The following FRMD7 variants were observed in gnomAD, a reference collection of about 807,000 sequenced individuals.
FRMD7 encodes the protein FERM domain containing 7, also known as FERM domain-containing protein 7.
FRMD7 carries 14 observed loss-of-function variants against 44.1 expected under a neutral mutation model. The observed-to-expected ratio is 0.32, with a 90% CI of 0.21 to 0.50. The LOEUF is 0.50. FRMD7 is among the 20% of genes least tolerant of loss of function. The probability of loss-of-function intolerance (pLI) is 0.99; values close to 1 mark genes in which losing one functional copy is unlikely to be tolerated. For synonymous variants in FRMD7, 212 were observed against 187.4 expected, an observed-to-expected ratio of 1.13 and a Z score of -1.07; for missense variants, 501 against 522.3, an observed-to-expected ratio of 0.96 and a Z score of 0.40.
In FRMD7 at chrX:132,100,711, C is replaced by A; in HGVS notation, c.63G>T (p.Lys21Asn). ...DSQKIFVVDQ[K>N]SSGKALFNLS... ...GGTTAAACAATGCCTTCCCGGATGA[C>A]TTTTGCTAAACAAAACAAAAAGATG... The change falls in exon 2 of 12, where the codon AAG becomes AAT. Residue 21 changes from lysine to asparagine, a missense_variant. Transcript: ENST00000298542. The A allele has an allele frequency of 3.4e-6, 4 of 1,187,873 alleles. No individual in the cohort carries two copies. The highest frequency in any genetic ancestry group is 4.6e-6 in the Non-Finnish European group (4 of 874,117).
intron 3 of FRMD7, among the ~76,000 whole-genome samples, chrX:132,097,558 G>T (rs377233934): frequency 3.6e-5 from 4 of 110,923 alleles, no homozygotes; most frequent in Admixed American, 1.9e-4. Context: ...ATAGCGATTG[G>T]GAAAGTTCTC....
Position 132,077,930 on chromosome X carries a change from T to C in FRMD7, c.2087A>G (p.Asn696Ser). The stretch of plus-strand genomic sequence containing the variant: ...AGTCCTGTCTTCAGCAGTTGGTGTG[T>C]TGAAATAAGCATCTTCATCTTCTTC... ...LDEEDEDAYF[N>S]TPTAEDRTSL... Residue 696 changes from asparagine to serine, a missense_variant, in exon 12 of 12, where the codon AAC becomes AGC. Asn to Ser is a conservative substitution (Grantham distance 46). Coordinates refer to ENST00000298542, the MANE Select transcript of FRMD7 (RefSeq NM_194277.3). The C allele has an allele frequency of 2.5e-6, 3 of 1,211,428 alleles. No individual in the cohort carries two copies. The highest frequency in any genetic ancestry group is 2.3e-4 in the Middle Eastern group (1 of 4,348).
chrX:132,122,654 G>T (rs928811936), intron 1 of FRMD7, among the ~76,000 whole-genome samples: 2 of 111,998 alleles, frequency 1.8e-5, no homozygotes, highest in African/African-American at 3.2e-5. Context: ...AACCCTAGTA[G>T]GCTGCAATAT....
rs150871328 is a variant in FRMD7 at position 132,120,094 on chromosome X, G to A, written c.57+7694C>T. Among the ~76,000 whole-genome samples the A allele has an allele frequency of 5.1e-3, 564 of 111,640 alleles. 5 individuals carry two copies. The highest frequency in any genetic ancestry group is 0.018 in the African/African-American group (542 of 30,743). On this transcript the variant is annotated intron_variant, in intron 1 of 11. Coordinates refer to ENST00000298542, the MANE Select transcript of FRMD7 (RefSeq NM_194277.3). ...TTTCCCCCTCAGGCCATGCCCTTTT[G>A]ACCCCAAGACAATTTGGACTCAGCT...
In FRMD7 at chrX:132,085,992, A is replaced by C. The variant is rs137852211; in HGVS notation, c.425T>G (p.Leu142Arg). ...GTTTGGTAAGTACCGAGTTTGTGCC[A>C]GATGCTTCCTATCTGTTTCTTCATG... ...DFHEETDRKH[L>R]AQTRYLPNQD... is the part of the protein sequence containing the mutation. The change falls in exon 6 of 12, where the codon CTG becomes CGG. Residue 142 changes from leucine to arginine, a missense_variant. Transcript: ENST00000298542. The C allele has an allele frequency of 8.3e-7, 1 of 1,204,147 alleles. No homozygotes were observed. The highest frequency in any genetic ancestry group is 1.1e-6 in the Non-Finnish European group (1 of 888,366).
At chrX:132,101,263 C>T (rs1397602161) in intron 1 of FRMD7, among the ~76,000 whole-genome samples, 3 of 111,176 alleles carry the variant, frequency 2.7e-5, no homozygotes, top group African/African-American at 9.8e-5. Flanking sequence ...GCTCTTAGTT[C>T]CCCATACCTG....
At chrX:132,083,836 G>A (rs972246451) in intron 8 of FRMD7, among the ~76,000 whole-genome samples, 1 of 111,392 alleles carries the variant, frequency 9.0e-6, no homozygotes, top group African/African-American at 3.3e-5. Context: ...GGTGGCACAT[G>A]CCTGTAGTCC....
chrX:132,122,424 A>T (rs1929057642), intron 1 of FRMD7, among the ~76,000 whole-genome samples: 1 of 111,965 alleles, frequency 8.9e-6, no homozygotes, highest in Non-Finnish European at 1.9e-5. Flanking sequence ...ACCAATCATT[A>T]TCCCTTCTAA....
At chrX:132,092,627 C>T (rs1316903040) in intron 5 of FRMD7, among the ~76,000 whole-genome samples, 2 of 111,897 alleles carry the variant, frequency 1.8e-5, no homozygotes, top group South Asian at 3.7e-4. Flanking sequence ...ATGCCTGAAA[C>T]GGCCACTAGG....
At position 132,085,773 on chromosome X, in the gene FRMD7, T is replaced by A. The variant is rs770847559; in HGVS notation, c.498-45A>T. On this transcript the variant is annotated intron_variant, in intron 6 of 11. Coordinates refer to ENST00000298542, the MANE Select transcript of FRMD7 (RefSeq NM_194277.3). Reference sequence around the variant, plus strand: ...ATGAGCCTAATAAATGCCTCAAGAATGACATTTCCACCCTGAGAGCTCCAT... The same window carrying A: ...ATGAGCCTAATAAATGCCTCAAGAAAGACATTTCCACCCTGAGAGCTCCAT... 1.6e-5 allele frequency: 18 copies of A among 1,158,626 alleles called. No homozygotes were observed. In the African/African-American group the frequency reaches 2.3e-4, roughly 15 times the overall value.
At chrX:132,088,284 T>G (rs2124229189) in intron 5 of FRMD7, among the ~76,000 whole-genome samples, 1 of 112,469 alleles carries the variant, frequency 8.9e-6, no homozygotes, top group South Asian at 3.6e-4. Flanking sequence ...GCGTGGTGGC[T>G]CACGCCTGTA....
chrX:132,078,468 T>C lies in FRMD7; in HGVS notation c.1549A>G (p.Thr517Ala), dbSNP rs1248331100. The change falls in exon 12 of 12, where the codon ACA (threonine) becomes GCA (alanine). Residue 517 changes from threonine (T) to alanine (A), a missense_variant. Around this residue, in one of 3 missense-constraint regions of FRMD7, gnomAD observed 453 missense variants for 452.7 expected, o/e 1.00. Coordinates refer to ENST00000298542, the MANE Select transcript of FRMD7 (RefSeq NM_194277.3). Reference sequence around the variant, plus strand: ...GGCTCTACATAGCTATGTGGACTTGTCCTTTCCTCTGCTCTAATTGGGGAC... The same window carrying C: ...GGCTCTACATAGCTATGTGGACTTGCCCTTTCCTCTGCTCTAATTGGGGAC... ...RWSPIRAEER[T>A]SPHSYVEPTA... The C allele has an allele frequency of 3.3e-6, 4 of 1,211,234 alleles. No homozygotes were observed. Among genetic ancestry groups the C allele is most frequent in the Admixed American group, 2.2e-5 (1 of 45,988 alleles).
chrX:132,096,978 T>C (rs1928356532), intron 4 of FRMD7, among the ~76,000 whole-genome samples: 1 of 111,030 alleles, frequency 9.0e-6, no homozygotes, highest in South Asian at 3.8e-4. Context: ...CACAGATTCA[T>C]GAAGGAGAGC....
chrX:132,111,113 A>G (rs986237657), intron 1 of FRMD7, among the ~76,000 whole-genome samples: 13 of 112,054 alleles, frequency 1.2e-4, no homozygotes, highest in African/African-American at 3.6e-4. Flanking sequence ...TTCAACTGCA[A>G]TGAAATATGA....
At chrX:132,085,852 C>G in intron 6 of FRMD7, 68 bp downstream of exon 6, 2 of 1,025,948 alleles carry the variant, frequency 1.9e-6, no homozygotes, top group South Asian at 3.8e-5. Flanking sequence ...AGGGCTTGCT[C>G]TTAAGAGTCT....
intron 1 of FRMD7, among the ~76,000 whole-genome samples, chrX:132,107,612 A>G (rs992506626): frequency 9.2e-6 from 1 of 108,436 alleles, no homozygotes; most frequent in Non-Finnish European, 1.9e-5. Context: ...GTGGAGAGAG[A>G]GAGAGAGAGA....
intron 1 of FRMD7, among the ~76,000 whole-genome samples, chrX:132,107,929 C>T: frequency 9.0e-6 from 1 of 111,443 alleles, no homozygotes; most frequent in Non-Finnish European, 1.9e-5. Flanking sequence ...AGAATGTGCC[C>T]AGCTACAGAG....
chrX:132,106,139 A>G (rs922143026), intron 1 of FRMD7, among the ~76,000 whole-genome samples: 1 of 112,308 alleles, frequency 8.9e-6, no homozygotes, highest in Non-Finnish European at 1.9e-5. Flanking sequence ...TCCAGAATCT[A>G]TAAGAAACTT....
chrX:132,092,503 G>A (rs1928207510), intron 5 of FRMD7, among the ~76,000 whole-genome samples: 1 of 112,104 alleles, frequency 8.9e-6, no homozygotes, highest in African/African-American at 3.2e-5. Flanking sequence ...TAGTGAAATA[G>A]TCTCACTGCA....
Sources: gnomAD v4.1 joint callset for allele counts (sites outside exome capture counted in the v4.1 genomes callset) on GRCh38, gnomAD v4.1.1 for gene constraint, gnomAD v4.1.1 regional missense constraint, MANE v1.5 for transcripts, NCBI Gene and HGNC (gene_info 2026-07-23, HGNC 2026-07-21) for gene names.